ACTN3: variants seen among roughly 807,000 people sequenced by gnomAD.
The protein encoded by ACTN3 is alpha-actinin-3.
Under a neutral mutation model 119.6 loss-of-function variants are expected in ACTN3, and 91 were observed. That is an observed-to-expected ratio of 0.76 (90% CI 0.64 to 0.91). The LOEUF is 0.91. Among genes scored for constraint, ACTN3 ranks in the 40% least tolerant of loss-of-function variants. ACTN3 has a pLI of 0.00. For missense variants in ACTN3, 1,221 were observed against 1,215.1 expected (o/e 1.00, Z -0.07); for synonymous variants, 456 against 478.8 (o/e 0.95, Z 0.62).
chr11:66,553,177 C>G (rs1857513882), intron 3 of ACTN3, among the ~76,000 whole-genome samples: 1 of 151,944 alleles, frequency 6.6e-6, no homozygotes, highest in Non-Finnish European at 1.5e-5. Context: ...TTGCTTGAAC[C>G]AGGGAGGCAG....
chr11:66,556,034 G>C (rs1055166798), intron 7 of ACTN3, 111 bp from the exon 8 acceptor site: 1 of 943,912 alleles, frequency 1.1e-6, no homozygotes, highest in Non-Finnish European at 1.6e-6. Context: ...TGGGTGGCTG[G>C]CTGCTGGTGG....
At position 66,561,506 on chromosome 11, in the gene ACTN3, A is replaced by T; in HGVS notation, c.2044A>T (p.Met682Leu). 1 of 1,605,730 alleles carries T rather than the reference A, an allele frequency of 6.2e-7. No homozygotes were observed. Residue 682 changes from methionine (M) to leucine (L), a missense_variant, in exon 17 of 21, where the codon ATG (methionine) becomes TTG (leucine). This residue lies in a region of ACTN3 where 934 missense variants were observed against 899.9 expected (regional missense o/e 1.04). Transcript: ENST00000513398. ...GCTAGCTGGCTCTCTGGAGGAGCAG[A>T]TGGCTGGGCTACGGCAGCAGGAGCA... ...AGLAGSLEEQMAGLRQQEQNI... is the reference protein window; with the variant it reads ...AGLAGSLEEQLAGLRQQEQNI...
At chr11:66,553,553 G>GA (rs1156988250) in intron 3 of ACTN3, among the ~76,000 whole-genome samples, 1 of 149,698 alleles carries the variant, frequency 6.7e-6, no homozygotes. Context: ...GACTCCATGG[G>GA]AAAAAATTAT....
intron 3 of ACTN3, among the ~76,000 whole-genome samples, chr11:66,552,876 TCTCTCA>T (rs1186400878): frequency 4.2e-5 from 3 of 71,818 alleles, no homozygotes; most frequent in Non-Finnish European, 8.2e-5. Context: ...TCTCTCTCTC[TCTCTCA>T]CACACACACA....
rs57808314 is a variant in ACTN3, at chr11:66,547,604, G to C, written c.147+520G>C. 1.1e-3 allele frequency among the ~76,000 whole-genome samples: 169 copies of C among 152,230 alleles called. 7 individuals are homozygous for C. In the East Asian group the frequency reaches 0.031, roughly 28 times the overall value. The stretch of plus-strand genomic sequence containing the variant: ...GAAACTGAAGCCCAGAAAGAGCACA[G>C]ACAGGCCCCACATCACAGACTGTCA... On this transcript the variant is annotated intron_variant, in intron 1 of 20. Coordinates refer to ENST00000513398, the MANE Select transcript of ACTN3 (RefSeq NM_001104.4).
rs557391743 is a variant in ACTN3, at chr11:66,562,663, G to A, written c.2389-133G>A. On this transcript the variant is annotated intron_variant, in intron 19 of 20. Coordinates refer to ENST00000513398, the MANE Select transcript of ACTN3 (RefSeq NM_001104.4). The stretch of plus-strand genomic sequence containing the variant: ...AGGACTTCCTACAGCCAGGGCTAAG[G>A]TCTCTGGAGGAAGGGAACTCCCTTG... 4.0e-5 allele frequency: 41 copies of A among 1,035,040 alleles called. No homozygotes were observed. In the African/African-American group the frequency reaches 6.4e-4, roughly 16 times the overall value. The allele number at this position is 1,035,040 out of a possible 1,614,324, so 64.1% of individuals were successfully genotyped here.
At position 66,562,819 on chromosome 11, in the gene ACTN3, C is replaced by A; in HGVS notation, c.2412C>A (p.Ile804=). 1.9e-6 allele frequency: 3 copies of A among 1,612,494 alleles called. No individual in the cohort carries two copies. Among genetic ancestry groups the A allele is most frequent in the Non-Finnish European group, 2.5e-6 (3 of 1,179,044 alleles). ...AGGGGGAAGTGGAGTTTGCTCGCAT[C>A]ATGACCATGGTGGACCCCAACGCAG... is the stretch of plus-strand genomic sequence containing the variant. ...YDLGEVEFAR[I]MTMVDPNAAG... Residue 804 remains isoleucine (I), a synonymous_variant, in exon 20 of 21, where the codon ATC becomes ATA. Coordinates refer to ENST00000513398, the MANE Select transcript of ACTN3 (RefSeq NM_001104.4).
In ACTN3 at chr11:66,554,063, T is replaced by A. The variant is rs896722096; in HGVS notation, c.401T>A (p.Leu134Gln). The A allele has an allele frequency of 6.2e-7, 1 of 1,613,730 alleles. No individual in the cohort carries two copies. The highest frequency in any genetic ancestry group is 8.5e-7 in the Non-Finnish European group (1 of 1,179,882). The change falls in exon 4 of 21, where the codon CTG becomes CAG. Residue 134 changes from leucine (L) to glutamine (Q), a missense_variant. This residue lies in a region of ACTN3 where 239 missense variants were observed against 231.8 expected (regional missense o/e 1.03). Transcript: ENST00000513398. ...IGAEEIVDGN[L>Q]KMTLGMIWTI... is the part of the protein sequence containing the mutation. The stretch of plus-strand genomic sequence containing the variant: ...CCTGCAGAGATTGTTGACGGGAACC[T>A]GAAGATGACCCTGGGCATGATCTGG...
In ACTN3 at chr11:66,554,524, C is replaced by A. The variant is rs375570577; in HGVS notation, c.470-12C>A. On this transcript the variant is annotated splice_polypyrimidine_tract_variant and intron_variant, in intron 4 of 20. Transcript: ENST00000513398. ...CCTTCCCAATGAATCCTCCCACCTCCCCCCGACCCAGAAACCTCAGCCAAG... is the reference window on the plus strand; with the variant it reads ...CCTTCCCAATGAATCCTCCCACCTCACCCCGACCCAGAAACCTCAGCCAAG... 704 of 1,601,076 alleles carry A rather than the reference C, an allele frequency of 4.4e-4. 2 individuals are homozygous for A. The African/African-American group carries it at 6.9e-3, about 16-fold the overall frequency.
At chr11:66,554,895 C>A (rs1289062667) in intron 5 of ACTN3, among the ~76,000 whole-genome samples, 1 of 152,044 alleles carries the variant, frequency 6.6e-6, no homozygotes, top group Non-Finnish European at 1.5e-5. Flanking sequence ...AAGCTGGAGG[C>A]CAAAAATATT....
intron 7 of ACTN3, among the ~76,000 whole-genome samples, 200 bp downstream of exon 7, chr11:66,555,567 A>C (rs1857575053): frequency 2.0e-5 from 3 of 147,744 alleles, no homozygotes; most frequent in East Asian, 2.0e-4. Context: ...ATCCTCTGCC[A>C]CCTCTCCCCT....
rs563563593 is a variant in ACTN3 at position 66,554,598 on chromosome 11, G to A, written c.532G>A (p.Val178Ile). ...GAGGAAGACAGCACCGTACCGCAAC[G>A]TCAACGTGCAGAACTTCCACACCAG... is the stretch of plus-strand genomic sequence containing the variant. Reference protein sequence around the residue: ...CQRKTAPYRNVNVQNFHTSWK... With the variant: ...CQRKTAPYRNINVQNFHTSWK... Residue 178 changes from valine (V) to isoleucine (I), a missense_variant, in exon 5 of 21, where the codon GTC (valine) becomes ATC (isoleucine). By Grantham distance (29) the Val-to-Ile change is conservative. This residue lies in a region of ACTN3 where 48 missense variants were observed against 83.4 expected (regional missense o/e 0.58). Transcript: ENST00000513398. 39 of 1,612,382 alleles carry A rather than the reference G, an allele frequency of 2.4e-5. No homozygotes were observed. The highest frequency in any genetic ancestry group is 5.5e-5 in the South Asian group (5 of 90,694).
At chr11:66,556,888 G>A (rs1407464877) in intron 8 of ACTN3, among the ~76,000 whole-genome samples, 1 of 152,176 alleles carries the variant, frequency 6.6e-6, no homozygotes, top group African/African-American at 2.4e-5. Flanking sequence ...AGCCTCCCAG[G>A]TAGCTGAGAC....
At position 66,558,163 on chromosome 11, in the gene ACTN3, C is replaced by A. The variant is rs1416975204; in HGVS notation, c.1265C>A (p.Ala422Asp). Reference protein sequence around the residue: ...KFRQKASLHEAWTRGKEEMLS... With the variant: ...KFRQKASLHEDWTRGKEEMLS... ...CGGCAGAAGGCCTCCCTGCACGAAGCCTGGACCCGGGGTAGGTAGACCTAC... is the reference window on the plus strand; with the variant it reads ...CGGCAGAAGGCCTCCCTGCACGAAGACTGGACCCGGGGTAGGTAGACCTAC... The change falls in exon 11 of 21, where the codon GCC (alanine) becomes GAC (aspartate). Residue 422 changes from alanine (A) to aspartate (D), a missense_variant. Ala to Asp is a moderately radical substitution (Grantham distance 126). Coordinates refer to ENST00000513398, the MANE Select transcript of ACTN3 (RefSeq NM_001104.4). 1 of 1,613,304 alleles carries A rather than the reference C, an allele frequency of 6.2e-7. No homozygotes were observed. The highest frequency in any genetic ancestry group is 8.5e-7 in the Non-Finnish European group (1 of 1,179,876).
rs775511809 is a variant in ACTN3 at position 66,546,955 on chromosome 11, G to C, written c.18G>C (p.Gln6His). The C allele has an allele frequency of 4.6e-6, 7 of 1,533,830 alleles. No homozygotes were observed. In the Admixed American group the frequency reaches 1.5e-4, roughly 33 times the overall value. Residue 6 changes from glutamine to histidine, a missense_variant, in exon 1 of 21, where the codon CAG (glutamine) becomes CAC (histidine). Gln to His is a conservative substitution (Grantham distance 24). Around this residue, in one of 3 missense-constraint regions of ACTN3, gnomAD observed 239 missense variants for 231.8 expected, o/e 1.03. Coordinates refer to ENST00000513398, the MANE Select transcript of ACTN3 (RefSeq NM_001104.4). ...CGATCGAGATGATGATGGTTATGCA[G>C]CCCGAGGGTCTGGGGGCCGGGGAGG... Reference protein sequence around the residue: MMMVMQPEGLGAGEGR... With the variant: MMMVMHPEGLGAGEGR...
chr11:66,562,388 T>A lies in ACTN3; in HGVS notation c.2388+66T>A, dbSNP rs373387982. 11 of 1,515,850 alleles carry A rather than the reference T, an allele frequency of 7.3e-6. No individual in the cohort carries two copies. In the East Asian group the frequency reaches 2.3e-4, roughly 31 times the overall value. 93.9% of individuals were successfully genotyped at this position (1,515,850 alleles called of 1,614,324 possible). On this transcript the variant is annotated intron_variant, in intron 19 of 20. Coordinates refer to ENST00000513398, the MANE Select transcript of ACTN3 (RefSeq NM_001104.4). ...CCCCTCCTCTGTGCTGATCACCTAC[T>A]GTGCACCTCCCATCTTCACATACAC...
chr11:66,555,284 A>G lies in ACTN3; in HGVS notation c.637-2A>G, dbSNP rs1857567824. 6.2e-7 allele frequency: 1 copy of G among 1,613,580 alleles called. No individual in the cohort carries two copies. Among genetic ancestry groups the G allele is most frequent in the South Asian group, 1.1e-5 (1 of 91,076 alleles). Reference sequence around the variant, plus strand: ...TCACCCTCCTCCCTTACACCCTTCTAGGATGACCCCATCGGAAACCTGAAC... The same window carrying G: ...TCACCCTCCTCCCTTACACCCTTCTGGGATGACCCCATCGGAAACCTGAAC... On this transcript the variant is annotated splice_acceptor_variant, in intron 6 of 20. Transcript: ENST00000513398. LOFTEE classifies it high-confidence loss of function.
chr11:66,561,155 C>A, intron 15 of ACTN3, 72 bp from the exon 16 acceptor site: 1 of 1,454,918 alleles, frequency 6.9e-7, no homozygotes, highest in Non-Finnish European at 9.1e-7. Flanking sequence ...GTTTGAGGGG[C>A]TGGAGCCCAT....
rs753614900 is a variant in ACTN3, at chr11:66,557,660, C to T, written c.898-39C>T. 1.7e-5 allele frequency: 27 copies of T among 1,569,820 alleles called. No individual in the cohort carries two copies. The South Asian group carries it at 2.1e-4, about 12-fold the overall frequency. ...GGGGTGGGTGAGCTGGGCAGGTCAG[C>T]GCAGAGCTGTCTGCCTTGCCCCTGC... On this transcript the variant is annotated intron_variant, in intron 9 of 20. Transcript: ENST00000513398.
Sources: allele counts gnomAD v4.1 joint callset (sites outside exome capture counted in the v4.1 genomes callset), GRCh38; gene constraint gnomAD v4.1.1; regional missense constraint gnomAD v4.1.1; transcripts MANE v1.5; gene names NCBI Gene and HGNC (gene_info 2026-07-23, HGNC 2026-07-21).